RNF125: variants seen among roughly 807,000 people sequenced by gnomAD.
The protein encoded by RNF125 is E3 ubiquitin-protein ligase RNF125.
In RNF125, 21 loss-of-function variants were observed where a neutral mutation model predicts 26.0. The ratio of observed to expected loss-of-function variants is 0.81; its 90% CI spans 0.57 to 1.16. The LOEUF (loss-of-function observed/expected upper bound fraction) is 1.16. RNF125 is among the 50% of genes most tolerant of loss of function. The pLI, the probability that RNF125 is intolerant of heterozygous loss-of-function variation, is 0.00. For missense variants in RNF125, 270 were observed against 299.4 expected (o/e 0.90, Z 0.72); for synonymous variants, 95 against 109.2 (o/e 0.87, Z 0.81).
chr18:32,043,832 A>G (rs1376490033), intron 3 of RNF125, among the ~76,000 whole-genome samples: 1 of 152,178 alleles, frequency 6.6e-6, no homozygotes, highest in African/African-American at 2.4e-5. Context: ...AATTTACCAC[A>G]TAATTCAAAT....
chr18:32,048,961 G>A (rs2039299156), intron 4 of RNF125, among the ~76,000 whole-genome samples: 1 of 152,226 alleles, frequency 6.6e-6, no homozygotes, highest in Admixed American at 6.5e-5. Context: ...CTGTGAAGAA[G>A]GTTGAACCCT....
the RNF125 span, among the ~76,000 whole-genome samples, chr18:32,082,936 T>G: frequency 6.6e-6 from 1 of 152,174 alleles, no homozygotes; most frequent in African/African-American, 2.4e-5. Context: ...CTAATGTCCT[T>G]TCAGATGCTC....
the RNF125 span, among the ~76,000 whole-genome samples, chr18:32,084,724 C>T: frequency 7.5e-4 from 114 of 152,318 alleles, no homozygotes; most frequent in African/African-American, 2.6e-3. Context: ...ATATTCACCT[C>T]TATCCTAATC....
At position 32,065,910 on chromosome 18, in the gene RNF125, A is replaced by G. The variant is rs775344374; in HGVS notation, c.513A>G (p.Pro171=). 8 of 1,610,116 alleles carry G rather than the reference A, an allele frequency of 5.0e-6. No individual in the cohort carries two copies. The South Asian group carries it at 6.6e-5, about 13-fold the overall frequency. Residue 171 remains proline (P), a synonymous_variant, in exon 5 of 6, where the codon CCA becomes CCG. Transcript: ENST00000217740. ...GTCTTGTTTGTTTCCAGTTCTGTCC[A>G]CTTTGCCGTTTAATACCCGATGAGA... The part of the protein sequence containing the change: ...HRSERRPVFC[P]LCRLIPDENP...
chr18:32,046,305 A>G (rs2144485429), intron 4 of RNF125, among the ~76,000 whole-genome samples: 1 of 151,974 alleles, frequency 6.6e-6, no homozygotes, highest in African/African-American at 2.4e-5. Flanking sequence ...TTTAAAAATA[A>G]TGCAAATAAG....
At chr18:32,050,578 A>C (rs1430685084) in intron 4 of RNF125, among the ~76,000 whole-genome samples, 1 of 151,872 alleles carries the variant, frequency 6.6e-6, no homozygotes, top group Non-Finnish European at 1.5e-5. Context: ...GCTTCGAGCT[A>C]TCCTCCCACC....
intron 1 of RNF125, among the ~76,000 whole-genome samples, chr18:32,021,900 C>T (rs1308255794): frequency 1.3e-5 from 2 of 152,118 alleles, no homozygotes; most frequent in Non-Finnish European, 2.9e-5. Flanking sequence ...GAACAAATTG[C>T]CTTTCCTCTC....
chr18:32,033,524 CAAAA>C (rs34652019), intron 1 of RNF125, among the ~76,000 whole-genome samples: 3 of 133,352 alleles, frequency 2.2e-5, no homozygotes, highest in Non-Finnish European at 4.8e-5. Flanking sequence ...GACTCCACCT[CAAAA>C]AAAAAAAAAA....
chr18:32,029,020 C>T (rs1021222568), intron 1 of RNF125, among the ~76,000 whole-genome samples: 2 of 152,014 alleles, frequency 1.3e-5, no homozygotes, highest in Non-Finnish European at 2.9e-5. Flanking sequence ...AAGCAAAACC[C>T]CAGGAACAGA....
chr18:32,090,337 C>A, the RNF125 span, among the ~76,000 whole-genome samples: 1 of 152,186 alleles, frequency 6.6e-6, no homozygotes, highest in South Asian at 2.1e-4. Flanking sequence ...TGAAAAGCAC[C>A]TGAACTACTG....
At chr18:32,063,837 T>G (rs2039456997) in intron 4 of RNF125, among the ~76,000 whole-genome samples, 1 of 152,158 alleles carries the variant, frequency 6.6e-6, no homozygotes, top group Admixed American at 6.5e-5. Context: ...TACTGTATAG[T>G]TCTATTTATA....
intron 4 of RNF125, among the ~76,000 whole-genome samples, chr18:32,059,584 T>C (rs1398417219): frequency 6.6e-6 from 1 of 152,186 alleles, no homozygotes; most frequent in Non-Finnish European, 1.5e-5. Context: ...TCTCTTCACT[T>C]TATTGATTGT....
At chr18:32,066,048 C>A in intron 5 of RNF125, 39 bp downstream of exon 5, 2 of 1,320,790 alleles carry the variant, frequency 1.5e-6, no homozygotes, top group Non-Finnish European at 2.2e-6. Context: ...TGTTTTCATG[C>A]TGTCTTGTTA....
At chr18:32,055,635 A>G (rs898026094) in intron 4 of RNF125, among the ~76,000 whole-genome samples, 18 of 152,246 alleles carry the variant, frequency 1.2e-4, no homozygotes, top group African/African-American at 2.2e-4. Context: ...CCATGATTCA[A>G]TTACCTACAC....
In RNF125 at chr18:32,065,917, C is replaced by T. The variant is rs370242930; in HGVS notation, c.520C>T (p.Arg174Cys). ...ERRPVFCPLC[R>C]LIPDENPSSF... ...TTGTTTCCAGTTCTGTCCACTTTGC[C>T]GTTTAATACCCGATGAGAATCCAAG... Residue 174 changes from arginine (R) to cysteine (C), a missense_variant, in exon 5 of 6, where the codon CGT becomes TGT. Transcript: ENST00000217740. 8.1e-6 allele frequency: 13 copies of T among 1,611,426 alleles called. No individual in the cohort carries two copies. Among genetic ancestry groups the T allele is most frequent in the South Asian group, 3.3e-5 (3 of 91,000 alleles).
In RNF125 at chr18:32,055,435, G is replaced by T. The variant is rs533999511; in HGVS notation, c.504+9703G>T. On this transcript the variant is annotated intron_variant, in intron 4 of 5. Transcript: ENST00000217740. ...ACTGGGTAATTTAGAAAGGAAGGAG[G>T]TTTAATTGACTCACAGTTGCACATG... 4.2e-3 allele frequency among the ~76,000 whole-genome samples: 634 copies of T among 152,282 alleles called. 7 individuals carry two copies. The highest frequency in any genetic ancestry group is 0.015 in the African/African-American group (614 of 41,552).
chr18:32,050,865 C>CCTTTTTTTTTTTTTT (rs1491509832), intron 4 of RNF125, among the ~76,000 whole-genome samples: 1 of 46,328 alleles, frequency 2.2e-5, no homozygotes, highest in Non-Finnish European at 3.9e-5. Context: ...GTCTAGAGTG[C>CCTTTTTTTTTTTTTT]TTTTTTTTTT....
At chr18:32,056,066 A>G (rs977719364) in intron 4 of RNF125, among the ~76,000 whole-genome samples, 1 of 151,336 alleles carries the variant, frequency 6.6e-6, no homozygotes, top group African/African-American at 2.4e-5. Context: ...ATCCATTATT[A>G]TTTCTGGCTG....
At chr18:32,020,117 C>T (rs560543460) in intron 1 of RNF125, among the ~76,000 whole-genome samples, 2 of 151,738 alleles carry the variant, frequency 1.3e-5, no homozygotes, top group South Asian at 4.2e-4. Context: ...CTGCAACCTC[C>T]GCCCACTGCA....
Sources: gnomAD v4.1 joint callset for allele counts (sites outside exome capture counted in the v4.1 genomes callset) on GRCh38, gnomAD v4.1.1 for gene constraint, MANE v1.5 for transcripts, NCBI Gene and HGNC (gene_info 2026-07-23, HGNC 2026-07-21) for gene names.